The following TMEM117 variants were observed in gnomAD, a reference collection of about 807,000 sequenced individuals.
The protein encoded by TMEM117 is transmembrane protein 117.
TMEM117 carries 27 observed loss-of-function variants against 52.4 expected under a neutral mutation model. The observed-to-expected ratio is 0.51, with a 90% CI of 0.38 to 0.71. The LOEUF is 0.71. TMEM117 is among the 30% of genes least tolerant of loss of function. TMEM117 has a pLI of 0.00. For synonymous variants in TMEM117, 215 were observed against 206.3 expected (o/e 1.04, Z -0.36); for missense variants, 556 against 630.5 (o/e 0.88, Z 1.26).
At chr12:44,270,007 T>G (rs1950427226) in intron 5 of TMEM117, among the ~76,000 whole-genome samples, 1 of 152,106 alleles carries the variant, frequency 6.6e-6, no homozygotes, top group Non-Finnish European at 1.5e-5. Flanking sequence ...AAAAGAAGAC[T>G]AAAGAATGAC....
chr12:43,806,182 G>A, the TMEM117 span: 80 of 1,538,710 alleles, frequency 5.2e-5, no homozygotes, highest in Non-Finnish European at 6.7e-5. Context: ...CGGCTCTCCC[G>A]GAAGCCCCTT....
intron 2 of TMEM117, among the ~76,000 whole-genome samples, chr12:43,877,890 A>AACACACACACAC (rs369405497): frequency 4.1e-4 from 58 of 143,104 alleles, no homozygotes; most frequent in African/African-American, 8.8e-4. Flanking sequence ...GTAAAAACAA[A>AACACACACACAC]ACACACACAC....
chr12:44,312,167 A>G (rs1950999137), intron 6 of TMEM117, among the ~76,000 whole-genome samples: 1 of 151,968 alleles, frequency 6.6e-6, no homozygotes, highest in South Asian at 2.1e-4. Context: ...TCATAGGATG[A>G]TGATCCTATC....
chr12:44,132,191 T>G (rs1948424878), intron 3 of TMEM117, among the ~76,000 whole-genome samples: 1 of 150,916 alleles, frequency 6.6e-6, no homozygotes, highest in South Asian at 2.1e-4. Context: ...GCTCAGGTTT[T>G]TTTTTTTTTT....
the TMEM117 span, among the ~76,000 whole-genome samples, chr12:43,821,192 T>G: frequency 6.6e-6 from 1 of 152,194 alleles, no homozygotes; most frequent in Non-Finnish European, 1.5e-5. Flanking sequence ...CTATAGAATT[T>G]TAGGGACTAA....
chr12:43,855,977 G>T (rs1943393412), intron 2 of TMEM117, among the ~76,000 whole-genome samples: 2 of 152,170 alleles, frequency 1.3e-5, no homozygotes, highest in South Asian at 4.1e-4. Flanking sequence ...TTAATACAAT[G>T]ATATGGGTAT....
At chr12:44,208,735 T>G (rs1032549735) in intron 4 of TMEM117, among the ~76,000 whole-genome samples, 6 of 149,198 alleles carry the variant, frequency 4.0e-5, no homozygotes, top group Non-Finnish European at 5.9e-5. Flanking sequence ...GTTTTTTTTT[T>G]TTTTTTTTTT....
intron 6 of TMEM117, among the ~76,000 whole-genome samples, chr12:44,330,426 T>TA (rs1951254392): frequency 6.6e-6 from 1 of 152,028 alleles, no homozygotes; most frequent in African/African-American, 2.4e-5. Flanking sequence ...GCAGCCACAT[T>TA]AAAAAAGGAA....
intron 2 of TMEM117, among the ~76,000 whole-genome samples, chr12:43,920,330 G>A (rs536692923): frequency 6.6e-6 from 1 of 152,008 alleles, no homozygotes; most frequent in Admixed American, 6.6e-5. Context: ...TCAAGACCAC[G>A]GTGAAACCCT....
intron 6 of TMEM117, among the ~76,000 whole-genome samples, chr12:44,372,948 G>A (rs546562132): frequency 1.3e-5 from 2 of 152,188 alleles, no homozygotes; most frequent in Admixed American, 6.5e-5. Context: ...CATATATCAA[G>A]ACATCACATT....
At chr12:44,200,285 G>T (rs1949477910) in intron 4 of TMEM117, among the ~76,000 whole-genome samples, 1 of 152,044 alleles carries the variant, frequency 6.6e-6, no homozygotes, top group South Asian at 2.1e-4. Context: ...TAAACAAAAT[G>T]TTGCTTCAAA....
chr12:44,009,841 G>A, intron 3 of TMEM117: 1 of 270,548 alleles, frequency 3.7e-6, no homozygotes, highest in Non-Finnish European at 7.9e-6. Flanking sequence ...GTATCCTTGT[G>A]CAAAATGGTC....
At chr12:44,263,718 G>A (rs1324297596) in intron 5 of TMEM117, 2 of 152,126 alleles carry the variant, frequency 1.3e-5, no homozygotes, top group African/African-American at 4.8e-5. Context: ...GGGGTAATTA[G>A]CCATTTGATT....
chr12:43,925,537 C>T (rs768021544), intron 2 of TMEM117, among the ~76,000 whole-genome samples: 4 of 152,110 alleles, frequency 2.6e-5, no homozygotes, highest in Non-Finnish European at 4.4e-5. Context: ...TAGTGCTCCG[C>T]CACAGCTGCG....
At chr12:44,006,205 C>T (rs1416435385) in intron 3 of TMEM117, among the ~76,000 whole-genome samples, 1 of 152,160 alleles carries the variant, frequency 6.6e-6, no homozygotes, top group Non-Finnish European at 1.5e-5. Context: ...TGCAAAGAAA[C>T]AGATACCGGG....
chr12:44,299,795 A>G, intron 6 of TMEM117, 56 bp downstream of exon 6: 2 of 1,593,166 alleles, frequency 1.3e-6, no homozygotes, highest in Non-Finnish European at 1.7e-6. Context: ...TCCCAGTATA[A>G]CAAACAGGAT....
intron 3 of TMEM117, among the ~76,000 whole-genome samples, chr12:44,040,026 A>G (rs950732580): frequency 1.3e-5 from 2 of 152,156 alleles, no homozygotes; most frequent in African/African-American, 4.8e-5. Flanking sequence ...ACAATAGGTT[A>G]CCTGGGGAGT....
At chr12:43,801,559 T>A in the TMEM117 span, among the ~76,000 whole-genome samples, 1 of 152,222 alleles carries the variant, frequency 6.6e-6, no homozygotes, top group African/African-American at 2.4e-5. Context: ...CCAGCTTTCC[T>A]AAAATACTTG....
intron 5 of TMEM117, among the ~76,000 whole-genome samples, chr12:44,213,176 A>G (rs530082971): frequency 2.0e-5 from 3 of 152,202 alleles, no homozygotes; most frequent in South Asian, 4.1e-4. Flanking sequence ...AAGACTTTAC[A>G]TCCTATATCT....
Sources: gnomAD v4.1 joint callset for allele counts (sites outside exome capture counted in the v4.1 genomes callset) on GRCh38, gnomAD v4.1.1 for gene constraint, MANE v1.5 for transcripts, NCBI Gene and HGNC (gene_info 2026-07-23, HGNC 2026-07-21) for gene names.